The following RFX7 variants were observed in gnomAD, a reference collection of about 807,000 sequenced individuals.
RFX7 encodes regulatory factor X7.
A neutral mutation model predicts 111.8 loss-of-function variants in RFX7; 26 were observed. That is an observed-to-expected ratio of 0.23 (90% CI 0.17 to 0.32). The LOEUF is 0.32. RFX7 is among the 10% of genes least tolerant of loss of function. The probability of loss-of-function intolerance (pLI) is 1.00; values close to 1 mark genes in which losing one functional copy is unlikely to be tolerated. For synonymous variants in RFX7, 624 were observed against 624.4 expected (o/e 1.00, Z 0.01); for missense variants, 1,573 against 1,772.9 (o/e 0.89, Z 2.02).
At chr15:56,233,094 T>C (rs564571408) in intron 2 of RFX7, among the ~76,000 whole-genome samples, 1 of 152,330 alleles carries the variant, frequency 6.6e-6, no homozygotes, top group African/African-American at 2.4e-5. Context: ...CAATTTACTG[T>C]ATTAATCTGT....
In RFX7 at chr15:56,128,103, T is replaced by A. The variant is rs577609029; in HGVS notation, c.401+14675A>T. ...AAAAGGAAATAGATAACCTGACCAG[T>A]AACAGAGATTGAATTAGTAACTTAA... On this transcript the variant is annotated intron_variant, in intron 5 of 9. Transcript: ENST00000559447. Among the ~76,000 whole-genome samples, 278 of 152,276 alleles carry A rather than the reference T, an allele frequency of 1.8e-3. 1 individual carries two copies. Among genetic ancestry groups the A allele is most frequent in the African/African-American group, 6.4e-3 (266 of 41,562 alleles).
At chr15:56,117,419 T>C (rs1385836764) in intron 5 of RFX7, among the ~76,000 whole-genome samples, 1 of 152,114 alleles carries the variant, frequency 6.6e-6, no homozygotes, top group Non-Finnish European at 1.5e-5. Flanking sequence ...AAAGCTAACA[T>C]GTAGACTTAT....
At position 56,103,436 on chromosome 15, in the gene RFX7, A is replaced by T. The variant is rs2041785718; in HGVS notation, c.518+118T>A. 6.5e-6 allele frequency: 4 copies of T among 616,242 alleles called. No individual in the cohort carries two copies. The East Asian group carries it at 8.5e-5, about 13-fold the overall frequency. The allele number at this position is 616,242 out of a possible 1,614,324, so 38.2% of individuals were successfully genotyped here. On this transcript the variant is annotated intron_variant, in intron 6 of 9. Transcript: ENST00000559447. ...TGCAATTATTCTACTTAAGCTTTTG[A>T]GTTGCTTTAATTTGAAGTTTATTTC...
At chr15:56,199,265 G>C (rs1401333605) in intron 2 of RFX7, among the ~76,000 whole-genome samples, 3 of 152,168 alleles carry the variant, frequency 2.0e-5, no homozygotes, top group African/African-American at 7.2e-5. Flanking sequence ...AATATTATTT[G>C]AAAGTGTAGG....
chr15:56,206,747 GA>G (rs76341505), intron 2 of RFX7, among the ~76,000 whole-genome samples: 19,642 of 144,752 alleles, frequency 0.14, 1,647 homozygotes, highest in East Asian at 0.44. Flanking sequence ...GCCATGTACA[GA>G]AAAAAAAAAC....
chr15:56,232,919 T>C (rs891973382), intron 2 of RFX7, among the ~76,000 whole-genome samples: 1 of 152,202 alleles, frequency 6.6e-6, no homozygotes, highest in Non-Finnish European at 1.5e-5. Flanking sequence ...ATTCAACAAG[T>C]CTCTAGGGAG....
At chr15:56,175,227 T>C (rs1460153472) in intron 3 of RFX7, among the ~76,000 whole-genome samples, 1 of 152,132 alleles carries the variant, frequency 6.6e-6, no homozygotes, top group East Asian at 1.9e-4. Flanking sequence ...TAATAAAATG[T>C]GTACAAAACC....
chr15:56,152,318 G>A (rs1595970380), intron 3 of RFX7, among the ~76,000 whole-genome samples: 1 of 152,238 alleles, frequency 6.6e-6, no homozygotes. Flanking sequence ...ACACTCCTCA[G>A]CAAATGCAAA....
rs2041605063 is a variant in RFX7, at chr15:56,092,232, A to C, written c.*1113T>G. 1 of 152,522 alleles carries C rather than the reference A, an allele frequency of 6.6e-6. No individual in the cohort carries two copies. Among genetic ancestry groups the C allele is most frequent in the Non-Finnish European group, 1.5e-5 (1 of 67,986 alleles). 9.4% of individuals were successfully genotyped at this position (152,522 alleles called of 1,614,324 possible). On this transcript the variant is annotated 3_prime_UTR_variant, in exon 10 of 10. Coordinates refer to ENST00000559447, the MANE Select transcript of RFX7 (RefSeq NM_022841.7). Reference sequence around the variant, plus strand: ...ATTGATATCCCCTTTGTTTCATCAGAGATATAAAGATTTGTGGCTTCAGAC... The same window carrying C: ...ATTGATATCCCCTTTGTTTCATCAGCGATATAAAGATTTGTGGCTTCAGAC...
rs1351470344 is a variant in RFX7, at chr15:56,243,241, G to T, written c.45C>A (p.Ala15=). ...QQQPPPQQPD[A]HQQLPPSAPN... ...GGGCGCTGGGGGGAAGCTGCTGATG[G>T]GCATCAGGCTGCTGTGGTGGCGGCT... The change falls in exon 2 of 10, where the codon GCC becomes GCA. Residue 15 remains alanine, a synonymous_variant. Transcript: ENST00000559447. The T allele has an allele frequency of 7.6e-7, 1 of 1,316,650 alleles. No homozygotes were observed. Among genetic ancestry groups the T allele is most frequent in the East Asian group, 5.2e-5 (1 of 19,106 alleles). 81.6% of individuals were successfully genotyped at this position (1,316,650 alleles called of 1,614,324 possible). A position where few individuals can be genotyped will look rare whatever the true frequency, so the allele number is the denominator to read the frequency against.
chr15:56,240,000 T>C (rs1206527909), intron 2 of RFX7, among the ~76,000 whole-genome samples: 2 of 141,408 alleles, frequency 1.4e-5, no homozygotes. Flanking sequence ...TTTTTTTTTT[T>C]TTTTTTGAAG....
At chr15:56,114,444 A>C (rs533324484) in intron 5 of RFX7, among the ~76,000 whole-genome samples, 128 of 151,804 alleles carry the variant, frequency 8.4e-4, no homozygotes, top group Non-Finnish European at 1.3e-3. Context: ...ACAACAACAA[A>C]AAAACAACAG....
At chr15:56,154,552 T>C (rs1407281033) in intron 3 of RFX7, among the ~76,000 whole-genome samples, 1 of 152,176 alleles carries the variant, frequency 6.6e-6, no homozygotes, top group Non-Finnish European at 1.5e-5. Flanking sequence ...ATTTAATAAA[T>C]GGTGCTGGGA....
intron 3 of RFX7, among the ~76,000 whole-genome samples, chr15:56,157,816 T>C (rs1370962486): frequency 6.6e-6 from 1 of 152,210 alleles, no homozygotes; most frequent in African/African-American, 2.4e-5. Context: ...CTGACCTCAA[T>C]GATCTGCCCG....
At chr15:56,232,322 G>A (rs936351007) in intron 2 of RFX7, among the ~76,000 whole-genome samples, 10 of 152,212 alleles carry the variant, frequency 6.6e-5, no homozygotes, top group South Asian at 2.1e-4. Context: ...TGAAATCTAC[G>A]TAAAGATTTC....
intron 5 of RFX7, among the ~76,000 whole-genome samples, chr15:56,136,678 C>T (rs2042307462): frequency 6.6e-6 from 1 of 151,428 alleles, no homozygotes; most frequent in Non-Finnish European, 1.5e-5. Context: ...TGAGAGAGGG[C>T]ATCCCTGTCT....
intron 2 of RFX7, among the ~76,000 whole-genome samples, chr15:56,209,730 G>T (rs1468505448): frequency 6.6e-6 from 1 of 152,038 alleles, no homozygotes; most frequent in African/African-American, 2.4e-5. Context: ...CTGTGAAGCA[G>T]TATGACGTTA....
chr15:56,146,629 G>T (rs1417176110), intron 3 of RFX7, among the ~76,000 whole-genome samples: 2 of 152,024 alleles, frequency 1.3e-5, no homozygotes, highest in Admixed American at 6.5e-5. Context: ...GAACATAGAA[G>T]AAATTTCAGA....
intron 2 of RFX7, among the ~76,000 whole-genome samples, chr15:56,206,402 G>GT (rs1318695403): frequency 6.6e-6 from 1 of 152,138 alleles, no homozygotes; most frequent in African/African-American, 2.4e-5. Flanking sequence ...CTGTTAGGGG[G>GT]ACACAGTGGC....
Sources: gnomAD v4.1 joint callset for allele counts (sites outside exome capture counted in the v4.1 genomes callset) on GRCh38, gnomAD v4.1.1 for gene constraint, MANE v1.5 for transcripts, NCBI Gene and HGNC (gene_info 2026-07-23, HGNC 2026-07-21) for gene names.